PDE6A: variants seen among roughly 807,000 people sequenced by gnomAD.
The protein encoded by PDE6A is rod cGMP-specific 3',5'-cyclic phosphodiesterase subunit alpha.
A neutral mutation model predicts 106.3 loss-of-function variants in PDE6A; 84 were observed. The ratio of observed to expected loss-of-function variants is 0.79; its 90% CI spans 0.66 to 0.95. The LOEUF (loss-of-function observed/expected upper bound fraction) is 0.95, where lower values mean the gene tolerates loss of function less well. PDE6A is among the 40% of genes least tolerant of loss of function. PDE6A has a pLI of 0.00. For synonymous variants in PDE6A, 394 were observed against 386.6 expected, an observed-to-expected ratio of 1.02 and a Z score of -0.23; for missense variants, 1,052 against 1,084.9, an observed-to-expected ratio of 0.97 and a Z score of 0.43.
chr5:149,944,399 T>C lies in PDE6A; in HGVS notation c.275A>G (p.Asp92Gly), dbSNP rs1754410126. The C allele has an allele frequency of 6.2e-7, 1 of 1,614,152 alleles. No individual in the cohort carries two copies. Among genetic ancestry groups the C allele is most frequent in the Non-Finnish European group, 8.5e-7 (1 of 1,180,020 alleles). Residue 92 changes from aspartate (D) to glycine (G), a missense_variant, in exon 1 of 22, where the codon GAC (aspartate) becomes GGC (glycine). This residue lies in a region of PDE6A where 913 missense variants were observed against 915.2 expected (regional missense o/e 1.00). Transcript: ENST00000255266. ...MKKLCFLLQADRMSLFMYRTR... is the reference protein window; with the variant it reads ...MKKLCFLLQAGRMSLFMYRTR... Reference sequence around the variant, plus strand: ...CCGGTACATGAACAGGCTCATGCGGTCTGCCTGCAGGAGGAAGCACAGCTT... The same window carrying C: ...CCGGTACATGAACAGGCTCATGCGGCCTGCCTGCAGGAGGAAGCACAGCTT...
chr5:149,860,240 A>G lies in PDE6A; in HGVS notation c.*655T>C, dbSNP rs1760085073. ...GGTAAGAAAAAAAATTGAAAAGAAA[A>G]TGTAAAAAGGACAGACGAAATGCAT... is the stretch of plus-strand genomic sequence containing the variant. On this transcript the variant is annotated 3_prime_UTR_variant, in exon 22 of 22. Coordinates refer to ENST00000255266, the MANE Select transcript of PDE6A (RefSeq NM_000440.3). The G allele has an allele frequency of 6.6e-6, 1 of 152,246 alleles. No homozygotes were observed. The highest frequency in any genetic ancestry group is 1.5e-5 in the Non-Finnish European group (1 of 68,062). 9.4% of individuals were successfully genotyped at this position (152,246 alleles called of 1,614,324 possible).
At chr5:149,879,057 T>TTTTA (rs776957897) in intron 17 of PDE6A, among the ~76,000 whole-genome samples, 95 of 152,128 alleles carry the variant, frequency 6.2e-4, no homozygotes, top group African/African-American at 1.4e-3. Flanking sequence ...TTTTATTTTG[T>TTTTA]TTTATTTATT....
intron 1 of PDE6A, among the ~76,000 whole-genome samples, chr5:149,941,697 A>G (rs1271937950): frequency 6.6e-6 from 1 of 152,180 alleles, no homozygotes; most frequent in African/African-American, 2.4e-5. Context: ...CATTTCTGCA[A>G]AAGATTTGAT....
At chr5:149,924,448 TAGAA>T (rs916486044) in intron 4 of PDE6A, among the ~76,000 whole-genome samples, 2 of 145,174 alleles carry the variant, frequency 1.4e-5, no homozygotes, top group African/African-American at 5.1e-5. Context: ...TATTTAGAAA[TAGAA>T]ATATATATAT....
chr5:149,890,210 G>T (rs1752495987), intron 13 of PDE6A, among the ~76,000 whole-genome samples: 1 of 152,012 alleles, frequency 6.6e-6, no homozygotes, highest in Non-Finnish European at 1.5e-5. Context: ...ACCTACCTCA[G>T]TCTCCCAAAG....
At chr5:149,864,107 G>A (rs1760239940) in intron 20 of PDE6A, among the ~76,000 whole-genome samples, 1 of 152,070 alleles carries the variant, frequency 6.6e-6, no homozygotes, top group African/African-American at 2.4e-5. Flanking sequence ...TTGTCTCCCC[G>A]AGAGGCTGAG....
At chr5:149,911,086 G>T (rs1417571087) in intron 6 of PDE6A, among the ~76,000 whole-genome samples, 3 of 151,694 alleles carry the variant, frequency 2.0e-5, no homozygotes, top group Non-Finnish European at 2.9e-5. Flanking sequence ...TTGCCATATT[G>T]CCCAGGCTGG....
At chr5:149,915,623 G>A (rs1753527763) in intron 5 of PDE6A, among the ~76,000 whole-genome samples, 1 of 152,100 alleles carries the variant, frequency 6.6e-6, no homozygotes, top group Admixed American at 6.6e-5. Context: ...ATCTGAGGCT[G>A]GGAAGAGGGA....
chr5:149,912,292 T>A (rs931345270), intron 6 of PDE6A, among the ~76,000 whole-genome samples: 1 of 152,192 alleles, frequency 6.6e-6, no homozygotes, highest in Admixed American at 6.5e-5. Flanking sequence ...TCTATGTTCT[T>A]CCTGAACTTT....
chr5:149,905,961 G>A (rs1753163301), intron 7 of PDE6A, among the ~76,000 whole-genome samples: 1 of 152,090 alleles, frequency 6.6e-6, no homozygotes, highest in South Asian at 2.1e-4. Flanking sequence ...GGGCTCAAGG[G>A]ATACTCCTGT....
At chr5:149,885,426 G>A (rs1433967098) in intron 14 of PDE6A, among the ~76,000 whole-genome samples, 1 of 152,180 alleles carries the variant, frequency 6.6e-6, no homozygotes, top group East Asian at 1.9e-4. Flanking sequence ...CCAGCCCACT[G>A]GGTGGTTGTG....
In PDE6A at chr5:149,895,256, C is replaced by G. The variant is rs1581176570; in HGVS notation, c.1655G>C (p.Gly552Ala). 1 of 1,613,976 alleles carries G rather than the reference C, an allele frequency of 6.2e-7. No individual in the cohort carries two copies. The highest frequency in any genetic ancestry group is 8.5e-7 in the Non-Finnish European group (1 of 1,179,872). The change falls in exon 13 of 22, where the codon GGC (glycine) becomes GCC (alanine). Residue 552 changes from glycine to alanine, a missense_variant. By Grantham distance (60) the Gly-to-Ala change is moderately conservative. Around this residue, in one of 3 missense-constraint regions of PDE6A, gnomAD observed 913 missense variants for 915.2 expected, o/e 1.00. Coordinates refer to ENST00000255266, the MANE Select transcript of PDE6A (RefSeq NM_000440.3). ...GTTGTGGTAGGTGATCTTGCGGTAG[C>G]CCTTACTCAGGGAGTACATGAACCG... ...LVRFMYSLSK[G>A]YRKITYHNWR...
intron 17 of PDE6A, among the ~76,000 whole-genome samples, chr5:149,872,637 A>T (rs1187961901): frequency 6.6e-6 from 1 of 152,058 alleles, no homozygotes; most frequent in Non-Finnish European, 1.5e-5. Context: ...CAGGACACTT[A>T]CTCAGACCCT....
Position 149,860,629 on chromosome 5 carries a change from A to T in PDE6A, c.*266T>A, listed in dbSNP as rs560610090. On this transcript the variant is annotated 3_prime_UTR_variant, in exon 22 of 22. Coordinates refer to ENST00000255266, the MANE Select transcript of PDE6A (RefSeq NM_000440.3). ...ACAAATTCATAAACTTTCTTAAAAC[A>T]TTATGAAATTTTTTTTTTTGGCGAT... is the stretch of plus-strand genomic sequence containing the variant. 1 of 410,742 alleles carries T rather than the reference A, an allele frequency of 2.4e-6. No homozygotes were observed. The highest frequency in any genetic ancestry group is 2.0e-5 in the African/African-American group (1 of 49,742). The allele number at this position is 410,742 out of a possible 1,614,324, so 25.4% of individuals were successfully genotyped here. A position where few individuals can be genotyped will look rare whatever the true frequency, so the allele number is the denominator to read the frequency against.
chr5:149,920,289 G>T (rs977912257), intron 5 of PDE6A, among the ~76,000 whole-genome samples: 2 of 152,120 alleles, frequency 1.3e-5, no homozygotes, highest in Non-Finnish European at 2.9e-5. Flanking sequence ...ACATAAAAGA[G>T]AGTGGTGGGG....
At chr5:149,878,174 T>A (rs747793343) in intron 17 of PDE6A, among the ~76,000 whole-genome samples, 7 of 152,204 alleles carry the variant, frequency 4.6e-5, no homozygotes, top group Non-Finnish European at 1.0e-4. Context: ...GCTGATTCCC[T>A]TAAGGCTATC....
chr5:149,893,457 A>G (rs1049461078), intron 13 of PDE6A, among the ~76,000 whole-genome samples: 1 of 152,210 alleles, frequency 6.6e-6, no homozygotes, highest in Non-Finnish European at 1.5e-5. Context: ...TTTCTAATTA[A>G]TAACCTAATC....
At chr5:149,934,749 G>C in intron 1 of PDE6A, 31 bp from the exon 2 acceptor site, 6 of 1,612,264 alleles carry the variant, frequency 3.7e-6, no homozygotes, top group Non-Finnish European at 5.1e-6. Context: ...GCACGGACAG[G>C]CAAATGAAGA....
intron 8 of PDE6A, among the ~76,000 whole-genome samples, chr5:149,903,164 A>AAAAAC (rs1561743631): frequency 1.3e-5 from 2 of 148,166 alleles, no homozygotes; most frequent in African/African-American, 2.5e-5. Context: ...AAAAAAAAAA[A>AAAAAC]AAAACAAAAG....
Sources: gnomAD v4.1 joint callset for allele counts (sites outside exome capture counted in the v4.1 genomes callset) on GRCh38, gnomAD v4.1.1 for gene constraint, gnomAD v4.1.1 regional missense constraint, MANE v1.5 for transcripts, NCBI Gene and HGNC (gene_info 2026-07-23, HGNC 2026-07-21) for gene names.